The following PPP1R9A variants were observed in gnomAD, a reference collection of about 807,000 sequenced individuals.
The protein encoded by PPP1R9A is neurabin-1.
PPP1R9A carries 59 observed loss-of-function variants against 141.9 expected under a neutral mutation model. That is an observed-to-expected ratio of 0.42 (90% CI 0.34 to 0.52). The LOEUF (loss-of-function observed/expected upper bound fraction) is 0.52, where lower values mean the gene tolerates loss of function less well. Ranked by LOEUF, PPP1R9A falls within the 20% of genes least tolerant of loss-of-function variation. The probability of loss-of-function intolerance (pLI) is 0.10; values close to 1 mark genes in which losing one functional copy is unlikely to be tolerated. For synonymous variants in PPP1R9A, 500 were observed against 569.7 expected, an observed-to-expected ratio of 0.88 and a Z score of 1.74; for missense variants, 1,444 against 1,611.9, an observed-to-expected ratio of 0.90 and a Z score of 1.78.
chr7:95,209,688 C>CT lies in PPP1R9A; in HGVS notation c.1956+5966dup, dbSNP rs1005877267. Among the ~76,000 whole-genome samples, 99 of 152,040 alleles carry CT rather than the reference C, an allele frequency of 6.5e-4. 1 individual carries two copies. The highest frequency in any genetic ancestry group is 2.2e-3 in the Admixed American group (34 of 15,266). ...ACCAATGACATTTGTGTTGGTTTTA[C>CT]TTTTTTTTGTACTTTAAATTCTGTA... On this transcript the variant is annotated intron_variant, in intron 7 of 19. Coordinates refer to ENST00000433360, the MANE Select transcript of PPP1R9A (RefSeq NM_001166160.2).
intron 2 of PPP1R9A, among the ~76,000 whole-genome samples, chr7:94,941,681 T>A (rs1795346050): frequency 1.3e-5 from 2 of 152,024 alleles, no homozygotes; most frequent in Non-Finnish European, 2.9e-5. Flanking sequence ...GTCTGATAAA[T>A]AAGTGTTTGT....
chr7:95,053,959 C>T (rs906299475), intron 2 of PPP1R9A, among the ~76,000 whole-genome samples: 18 of 152,216 alleles, frequency 1.2e-4, no homozygotes, highest in African/African-American at 3.9e-4. Context: ...CACAAAACAA[C>T]GTTTAGCCTA....
intron 5 of PPP1R9A, among the ~76,000 whole-genome samples, chr7:95,190,415 C>G (rs1292301402): frequency 2.0e-5 from 3 of 152,136 alleles, no homozygotes; most frequent in Admixed American, 1.3e-4. Context: ...AGTACCTGCT[C>G]TGGTGGAGTT....
intron 12 of PPP1R9A, among the ~76,000 whole-genome samples, chr7:95,259,659 A>T (rs550965104): frequency 6.6e-6 from 1 of 152,322 alleles, no homozygotes; most frequent in Non-Finnish European, 1.5e-5. Flanking sequence ...TTGAGAGTAC[A>T]TTAAGCATTC....
chr7:94,911,231 A>T lies in PPP1R9A; in HGVS notation c.1118A>T (p.Asp373Val), dbSNP rs756750837. 1.2e-6 allele frequency: 2 copies of T among 1,614,212 alleles called. No homozygotes were observed. The highest frequency in any genetic ancestry group is 8.5e-7 in the Non-Finnish European group (1 of 1,180,020). Residue 373 changes from aspartate to valine, a missense_variant, in exon 2 of 20, where the codon GAT becomes GTT. By Grantham distance (152) the Asp-to-Val change is radical. Around this residue, in one of 5 missense-constraint regions of PPP1R9A, gnomAD observed 490 missense variants for 521.1 expected, o/e 0.94. Transcript: ENST00000433360. ...ELAGGDFTSPDASASSCGKEV... is the reference protein window; with the variant it reads ...ELAGGDFTSPVASASSCGKEV... ...GCAGGTGGTGATTTCACCTCTCCTG[A>T]TGCTTCTGCATCCAGTTGTGGAAAA...
At chr7:94,949,019 G>A (rs1796181719) in intron 2 of PPP1R9A, among the ~76,000 whole-genome samples, 1 of 152,126 alleles carries the variant, frequency 6.6e-6, no homozygotes, top group East Asian at 1.9e-4. Flanking sequence ...TTTCCATTAA[G>A]CACACCTGGG....
intron 4 of PPP1R9A, among the ~76,000 whole-genome samples, chr7:95,143,082 C>T (rs1017990893): frequency 6.6e-6 from 1 of 152,068 alleles, no homozygotes; most frequent in African/African-American, 2.4e-5. Context: ...AGTCCTGGCC[C>T]TCTTTGTTGA....
chr7:95,053,784 C>T (rs1399856222), intron 2 of PPP1R9A, among the ~76,000 whole-genome samples: 1 of 152,122 alleles, frequency 6.6e-6, no homozygotes, highest in Non-Finnish European at 1.5e-5. Flanking sequence ...TTCTACTGAC[C>T]TCACCAAACT....
intron 2 of PPP1R9A, among the ~76,000 whole-genome samples, chr7:95,049,917 G>A (rs1477527017): frequency 6.6e-6 from 1 of 152,106 alleles, no homozygotes; most frequent in East Asian, 1.9e-4. Flanking sequence ...CCATTCACCT[G>A]TGGGTGCTTT....
intron 5 of PPP1R9A, among the ~76,000 whole-genome samples, chr7:95,187,908 G>C: frequency 6.6e-6 from 1 of 151,934 alleles, no homozygotes. Flanking sequence ...ATTGAGACTT[G>C]TTTAATTTAT....
chr7:94,956,678 A>T, intron 2 of PPP1R9A, among the ~76,000 whole-genome samples: 1 of 152,106 alleles, frequency 6.6e-6, no homozygotes, highest in Non-Finnish European at 1.5e-5. Context: ...ACTGCACTCC[A>T]GCCTGGGCAA....
intron 2 of PPP1R9A, among the ~76,000 whole-genome samples, chr7:94,948,656 T>C (rs973786996): frequency 1.3e-5 from 2 of 152,272 alleles, no homozygotes; most frequent in South Asian, 2.1e-4. Flanking sequence ...CCAAGTTACA[T>C]GGTTAGTCCC....
At chr7:95,029,732 T>A (rs781711501) in intron 2 of PPP1R9A, among the ~76,000 whole-genome samples, 1 of 152,246 alleles carries the variant, frequency 6.6e-6, no homozygotes, top group African/African-American at 2.4e-5. Flanking sequence ...GAAGAAAATT[T>A]TATTTTGAAG....
intron 8 of PPP1R9A, among the ~76,000 whole-genome samples, chr7:95,245,923 C>A (rs1193024828): frequency 6.6e-6 from 1 of 152,114 alleles, no homozygotes; most frequent in Non-Finnish European, 1.5e-5. Flanking sequence ...GCCAGAGTGA[C>A]CAGGTCAGGA....
intron 8 of PPP1R9A, among the ~76,000 whole-genome samples, chr7:95,231,797 G>T (rs541491143): frequency 1.3e-5 from 2 of 151,952 alleles, no homozygotes; most frequent in African/African-American, 4.8e-5. Context: ...AGTCTGAAAG[G>T]GCTCAAACTG....
At chr7:95,165,577 A>T (rs192750903) in intron 5 of PPP1R9A, among the ~76,000 whole-genome samples, 27 of 152,356 alleles carry the variant, frequency 1.8e-4, no homozygotes, top group African/African-American at 6.3e-4. Flanking sequence ...TTCTTGACTC[A>T]CAGAAACTAT....
chr7:95,120,726 G>A lies in PPP1R9A; in HGVS notation c.1543G>A (p.Gly515Ser). Reference sequence around the variant, plus strand: ...CTTTTTAATAGATGAGGATGGTCTTGGTATAAGTATTATTGGAATGGGTGT... The same window carrying A: ...CTTTTTAATAGATGAGGATGGTCTTAGTATAAGTATTATTGGAATGGGTGT... ...VELEKDEDGL[G>S]ISIIGMGVGA... Residue 515 changes from glycine (G) to serine (S), a missense_variant, in exon 4 of 20, where the codon GGT becomes AGT. Physicochemically the swap from Gly to Ser is moderately conservative, Grantham distance 56. Coordinates refer to ENST00000433360, the MANE Select transcript of PPP1R9A (RefSeq NM_001166160.2). 2 of 1,613,286 alleles carry A rather than the reference G, an allele frequency of 1.2e-6. No homozygotes were observed. The highest frequency in any genetic ancestry group is 8.5e-7 in the Non-Finnish European group (1 of 1,179,590).
At chr7:95,067,667 A>G (rs1185303693) in intron 2 of PPP1R9A, among the ~76,000 whole-genome samples, 1 of 151,978 alleles carries the variant, frequency 6.6e-6, no homozygotes, top group African/African-American at 2.4e-5. Flanking sequence ...CACGGATACC[A>G]AAATCCATGG....
rs1352568469 is a variant in PPP1R9A at position 95,025,175 on chromosome 7, T to C, written c.1396-86084T>C. ...TCTGCCTCCTGGGTTCAAGCAATTCTCCTGCCTCAGCCTCCCGAGTAGTTG... is the reference window on the plus strand; with the variant it reads ...TCTGCCTCCTGGGTTCAAGCAATTCCCCTGCCTCAGCCTCCCGAGTAGTTG... On this transcript the variant is annotated intron_variant, in intron 2 of 19. Transcript: ENST00000433360. 3.9e-5 allele frequency among the ~76,000 whole-genome samples: 6 copies of C among 152,184 alleles called. 1 individual carries two copies. Among genetic ancestry groups the C allele is most frequent in the African/African-American group, 1.4e-4 (6 of 41,528 alleles).
Sources: allele counts gnomAD v4.1 joint callset (sites outside exome capture counted in the v4.1 genomes callset), GRCh38; gene constraint gnomAD v4.1.1; regional missense constraint gnomAD v4.1.1; transcripts MANE v1.5; gene names NCBI Gene and HGNC (gene_info 2026-07-23, HGNC 2026-07-21).